The following RAPGEF4 variants were observed in gnomAD, a reference collection of about 807,000 sequenced individuals.
RAPGEF4 encodes Rap guanine nucleotide exchange factor 4.
RAPGEF4 carries 66 observed loss-of-function variants against 147.9 expected under a neutral mutation model. The observed-to-expected ratio is 0.45, with a 90% CI of 0.37 to 0.55. The LOEUF is 0.55. Among genes scored for constraint, RAPGEF4 ranks in the 20% least tolerant of loss-of-function variants. The pLI, the probability that RAPGEF4 is intolerant of heterozygous loss-of-function variation, is 0.00. For synonymous variants in RAPGEF4, 419 were observed against 442.7 expected, an observed-to-expected ratio of 0.95 and a Z score of 0.67; for missense variants, 1,071 against 1,257.3, an observed-to-expected ratio of 0.85 and a Z score of 2.24.
intron 4 of RAPGEF4, among the ~76,000 whole-genome samples, chr2:172,845,330 C>G (rs761946882): frequency 1.3e-5 from 2 of 152,156 alleles, no homozygotes; most frequent in African/African-American, 4.8e-5. Flanking sequence ...CAGGAAGCAA[C>G]GCCTAATGAG....
chr2:173,030,985 A>G (rs549870994), intron 26 of RAPGEF4, among the ~76,000 whole-genome samples: 24 of 152,336 alleles, frequency 1.6e-4, no homozygotes, highest in African/African-American at 5.8e-4. Context: ...TAGAACATAC[A>G]TACAGAAATA....
intron 4 of RAPGEF4, among the ~76,000 whole-genome samples, chr2:172,871,427 C>T (rs1218748242): frequency 6.6e-6 from 1 of 151,936 alleles, no homozygotes; most frequent in Non-Finnish European, 1.5e-5. Context: ...CTTACAGAGC[C>T]CAGGGTTAGA....
At chr2:172,814,616 T>A in intron 4 of RAPGEF4, 191 bp downstream of exon 4, 2 of 643,084 alleles carry the variant, frequency 3.1e-6, no homozygotes. Flanking sequence ...TCCTTTTTTT[T>A]GTTTAATTTA....
intron 12 of RAPGEF4, among the ~76,000 whole-genome samples, chr2:172,987,677 G>C (rs182943771): frequency 6.6e-6 from 1 of 152,190 alleles, no homozygotes; most frequent in Non-Finnish European, 1.5e-5. Context: ...ACAAGAAGCT[G>C]TGTGTAGACT....
chr2:172,965,658 G>A lies in RAPGEF4; in HGVS notation c.795G>A (p.Leu265=). ...RTQAVGMWQV[L]LEDGVLNHVD... is the part of the protein sequence containing the mutation. ...AAGCTGTTGGCATGTGGCAAGTCCT[G>A]TTAGAAGATGGTGTTCTCAACCACG... is the stretch of plus-strand genomic sequence containing the variant. Residue 265 remains leucine, a synonymous_variant, in exon 9 of 31, where the codon CTG becomes CTA. Transcript: ENST00000397081. 6.2e-7 allele frequency: 1 copy of A among 1,614,186 alleles called. No homozygotes were observed.
At chr2:172,767,377 C>T (rs1204371430) in intron 1 of RAPGEF4, among the ~76,000 whole-genome samples, 1 of 152,042 alleles carries the variant, frequency 6.6e-6, no homozygotes, top group African/African-American at 2.4e-5. Flanking sequence ...CAGGGTTTCT[C>T]CATGTTGGTC....
chr2:172,781,019 C>G (rs1180552574), intron 1 of RAPGEF4, among the ~76,000 whole-genome samples: 1 of 152,018 alleles, frequency 6.6e-6, no homozygotes, highest in South Asian at 2.1e-4. Flanking sequence ...TTCTAACAAC[C>G]AAAGACATCT....
At chr2:172,994,421 T>A (rs1693121424) in intron 15 of RAPGEF4, among the ~76,000 whole-genome samples, 1 of 152,222 alleles carries the variant, frequency 6.6e-6, no homozygotes, top group African/African-American at 2.4e-5. Context: ...CACACCTGGC[T>A]CATGTCAGAG....
Position 172,809,314 on chromosome 2 carries a change from C to T in RAPGEF4, c.298-4965C>T, listed in dbSNP as rs574447920. On this transcript the variant is annotated intron_variant, in intron 3 of 30. Transcript: ENST00000397081. ...TGGAGATGGGCAGTGGGCAGGCTGCCTAAGAAGTCTGGCCACAGAAGGACT... is the reference window on the plus strand; with the variant it reads ...TGGAGATGGGCAGTGGGCAGGCTGCTTAAGAAGTCTGGCCACAGAAGGACT... Among the ~76,000 whole-genome samples, 9 of 152,212 alleles carry T rather than the reference C, an allele frequency of 5.9e-5. No individual in the cohort carries two copies. In the South Asian group the frequency reaches 1.9e-3, roughly 32 times the overall value.
chr2:173,048,771 T>G, intron 30 of RAPGEF4, 117 bp downstream of exon 30: 1 of 1,515,052 alleles, frequency 6.6e-7, no homozygotes, highest in Non-Finnish European at 8.8e-7. Context: ...AGAGACACTT[T>G]GGACCATGAA....
chr2:172,850,828 CTCTT>C (rs1692731327), intron 4 of RAPGEF4, among the ~76,000 whole-genome samples: 1 of 152,120 alleles, frequency 6.6e-6, no homozygotes, highest in South Asian at 2.1e-4. Context: ...TGGATCTTCT[CTCTT>C]TTTTTCCTTA....
intron 1 of RAPGEF4, among the ~76,000 whole-genome samples, chr2:172,745,806 C>A (rs1052139241): frequency 1.3e-5 from 2 of 152,196 alleles, no homozygotes; most frequent in African/African-American, 4.8e-5. Context: ...GACCTCTTGA[C>A]TCCCTCAGCC....
chr2:172,988,735 T>A lies in RAPGEF4; in HGVS notation c.1270T>A (p.Leu424Ile), dbSNP rs1186015412. 25 of 1,612,286 alleles carry A rather than the reference T, an allele frequency of 1.6e-5. No homozygotes were observed. Among genetic ancestry groups the A allele is most frequent in the Non-Finnish European group, 2.0e-5 (24 of 1,178,404 alleles). ...TLHEGDDFGK[L>I]ALVNDAPRAA... ...GCATGAAGGAGATGACTTCGGCAAG[T>A]TAGCACTAGTGAATGATGCCCCACG... Residue 424 changes from leucine (L) to isoleucine (I), a missense_variant, in exon 14 of 31, where the codon TTA becomes ATA. Physicochemically the swap from Leu to Ile is conservative, Grantham distance 5 (BLOSUM62 2). Coordinates refer to ENST00000397081, the MANE Select transcript of RAPGEF4 (RefSeq NM_007023.4).
chr2:172,824,660 A>G (rs571809155), intron 4 of RAPGEF4, among the ~76,000 whole-genome samples: 1 of 152,320 alleles, frequency 6.6e-6, no homozygotes, highest in Admixed American at 6.5e-5. Context: ...AAGAGTGAGA[A>G]TAAGGTGCAA....
chr2:172,991,797 T>C (rs1692862208), intron 15 of RAPGEF4, among the ~76,000 whole-genome samples: 1 of 152,234 alleles, frequency 6.6e-6, no homozygotes, highest in Non-Finnish European at 1.5e-5. Flanking sequence ...GCATTCACCA[T>C]AAATGATTAA....
intron 26 of RAPGEF4, among the ~76,000 whole-genome samples, chr2:173,033,511 G>C (rs1697391718): frequency 6.6e-6 from 1 of 152,302 alleles, no homozygotes; most frequent in Non-Finnish European, 1.5e-5. Context: ...GAAAGAGATA[G>C]TTTCATAAGC....
At chr2:172,819,529 G>A (rs1263792271) in intron 4 of RAPGEF4, among the ~76,000 whole-genome samples, 2 of 127,360 alleles carry the variant, frequency 1.6e-5, no homozygotes, top group Non-Finnish European at 1.6e-5. Context: ...GCAGTGGCGC[G>A]ATCTCGGCTC....
chr2:172,947,868 T>C (rs376768806), intron 6 of RAPGEF4, among the ~76,000 whole-genome samples: 22 of 152,284 alleles, frequency 1.4e-4, no homozygotes, highest in African/African-American at 5.3e-4. Flanking sequence ...TTTAGGTCAG[T>C]ACATTTTCAC....
intron 1 of RAPGEF4, among the ~76,000 whole-genome samples, chr2:172,781,966 T>A (rs1684723890): frequency 6.6e-6 from 1 of 152,194 alleles, no homozygotes; most frequent in African/African-American, 2.4e-5. Context: ...GAGGGCCAGC[T>A]GTACTCCTCT....
Sources: gnomAD v4.1 joint callset for allele counts (sites outside exome capture counted in the v4.1 genomes callset) on GRCh38, gnomAD v4.1.1 for gene constraint, MANE v1.5 for transcripts, NCBI Gene and HGNC (gene_info 2026-07-23, HGNC 2026-07-21) for gene names.